BACH1: variants seen among roughly 807,000 people sequenced by gnomAD.
BACH1 encodes the protein transcription regulator protein BACH1.
A neutral mutation model predicts 52.9 loss-of-function variants in BACH1; 35 were observed. That is an observed-to-expected ratio of 0.66 (90% CI 0.51 to 0.88). The LOEUF (loss-of-function observed/expected upper bound fraction) is 0.88. BACH1 is among the 40% of genes least tolerant of loss of function. The pLI, the probability that BACH1 is intolerant of heterozygous loss-of-function variation, is 0.00. For missense variants in BACH1, 808 were observed against 872.6 expected, an observed-to-expected ratio of 0.93 and a Z score of 0.93; for synonymous variants, 321 against 319.6, an observed-to-expected ratio of 1.00 and a Z score of -0.05.
intron 1 of BACH1, among the ~76,000 whole-genome samples, chr21:29,318,704 A>T (rs761183414): frequency 6.6e-6 from 1 of 152,190 alleles, no homozygotes; most frequent in Non-Finnish European, 1.5e-5. Context: ...AGATGTATGT[A>T]GTTGACTACT....
intron 1 of BACH1, among the ~76,000 whole-genome samples, chr21:29,319,498 A>G (rs1469532436): frequency 6.6e-6 from 1 of 151,802 alleles, no homozygotes; most frequent in Non-Finnish European, 1.5e-5. Context: ...GGCAAGGTGG[A>G]AAGCTATTAT....
At chr21:29,311,744 C>T (rs1164425754) in intron 1 of BACH1, among the ~76,000 whole-genome samples, 1 of 152,118 alleles carries the variant, frequency 6.6e-6, no homozygotes, top group Non-Finnish European at 1.5e-5. Context: ...TTTCTTGTCT[C>T]ATTAATCTGA....
In BACH1 at chr21:29,345,677, G is replaced by A. The variant is rs2089161704; in HGVS notation, c.*2844G>A. 2 of 152,500 alleles carry A rather than the reference G, an allele frequency of 1.3e-5. No homozygotes were observed. The highest frequency in any genetic ancestry group is 4.1e-4 in the South Asian group (2 of 4,822). The allele number at this position is 152,500 out of a possible 1,614,324, so 9.4% of individuals were successfully genotyped here. ...AATAAGTATGTTAGATGCAGTAGAC[G>A]ATACAGGTTGCATGTGGACACTCAG... On this transcript the variant is annotated 3_prime_UTR_variant, in exon 5 of 5. Coordinates refer to ENST00000286800, the MANE Select transcript of BACH1 (RefSeq NM_001186.4).
intron 2 of BACH1, among the ~76,000 whole-genome samples, chr21:29,322,061 G>C (rs2088854891): frequency 6.6e-6 from 1 of 152,204 alleles, no homozygotes; most frequent in Non-Finnish European, 1.5e-5. Context: ...AACTTGTGCA[G>C]TGAAGCTCCC....
chr21:29,301,344 T>G (rs2088601202), intron 1 of BACH1, among the ~76,000 whole-genome samples: 1 of 152,228 alleles, frequency 6.6e-6, no homozygotes, highest in Admixed American at 6.5e-5. Flanking sequence ...CGCGTGCATG[T>G]CCTCCACCCC....
intron 1 of BACH1, among the ~76,000 whole-genome samples, chr21:29,312,231 T>C (rs1393110870): frequency 6.6e-6 from 1 of 152,186 alleles, no homozygotes; most frequent in African/African-American, 2.4e-5. Context: ...TTTCATTCTT[T>C]GCTTTTTTCC....
At chr21:29,298,995 T>C (rs1482923038) in intron 1 of BACH1, 42 bp downstream of exon 1, 1 of 151,416 alleles carries the variant, frequency 6.6e-6, no homozygotes, top group Non-Finnish European at 1.5e-5. Flanking sequence ...TCCGGGAGGG[T>C]TGGCGCGGTC....
chr21:29,306,210 G>GTGTA (rs1640537817), intron 1 of BACH1, among the ~76,000 whole-genome samples: 1 of 140,828 alleles, frequency 7.1e-6, no homozygotes, highest in Non-Finnish European at 1.5e-5. Flanking sequence ...GTGTGTGTGT[G>GTGTA]TATTTAAAAA....
At chr21:29,330,413 C>G (rs1005093454) in intron 4 of BACH1, among the ~76,000 whole-genome samples, 12 of 152,110 alleles carry the variant, frequency 7.9e-5, no homozygotes, top group African/African-American at 2.9e-4. Context: ...ATCTCCTGAC[C>G]TCGTGATCTG....
Position 29,345,769 on chromosome 21 carries a change from T to TA in BACH1, c.*2937dup, listed in dbSNP as rs2089162824. The TA allele has an allele frequency of 6.6e-6, 1 of 152,654 alleles. No homozygotes were observed. The highest frequency in any genetic ancestry group is 1.5e-5 in the Non-Finnish European group (1 of 68,024). 9.5% of individuals were successfully genotyped at this position (152,654 alleles called of 1,614,324 possible). ...AATTCTCAGGTGAACTTTTTTCAGTTATAAAACATCTATTTTGAATCTGTA... is the reference window on the plus strand; with the variant it reads ...AATTCTCAGGTGAACTTTTTTCAGTTAATAAAACATCTATTTTGAATCTGTA... On this transcript the variant is annotated 3_prime_UTR_variant, in exon 5 of 5. Transcript: ENST00000286800.
At chr21:29,334,081 GT>G (rs149059057) in intron 4 of BACH1, among the ~76,000 whole-genome samples, 6,440 of 151,298 alleles carry the variant, frequency 0.043, 457 homozygotes, top group African/African-American at 0.15. Flanking sequence ...CATGACTTTG[GT>G]TTTTTTTGTT....
At chr21:29,355,362 C>T (rs1442866728) in intron 2 of BACH1, among the ~76,000 whole-genome samples, 1 of 152,182 alleles carries the variant, frequency 6.6e-6, no homozygotes, top group Non-Finnish European at 1.5e-5. Context: ...AAACCTTTAG[C>T]TAGACACAGA....
At chr21:29,322,259 T>C (rs142829936) in intron 2 of BACH1, among the ~76,000 whole-genome samples, 15 of 152,356 alleles carry the variant, frequency 9.8e-5, no homozygotes, top group African/African-American at 3.4e-4. Context: ...TTTAGGGTTC[T>C]GTAAAACGTC....
At chr21:29,361,384 ATACT>A (rs1569029717) in intron 2 of BACH1, 1 of 152,194 alleles carries the variant, frequency 6.6e-6, no homozygotes, top group Admixed American at 6.5e-5. Context: ...AAATCAATCA[ATACT>A]TACAATGATT....
chr21:29,343,809 T>A lies in BACH1; in HGVS notation c.*976T>A, dbSNP rs2089141465. ...TTTTACCAGGAGTGCAGTTCATTTT[T>A]TTCACCCTGTTTTTGAAGTCGTATT... On this transcript the variant is annotated 3_prime_UTR_variant, in exon 5 of 5. Coordinates refer to ENST00000286800, the MANE Select transcript of BACH1 (RefSeq NM_001186.4). The A allele has an allele frequency of 6.6e-6, 1 of 152,230 alleles. No homozygotes were observed. The highest frequency in any genetic ancestry group is 2.1e-4 in the South Asian group (1 of 4,832). 9.4% of individuals were successfully genotyped at this position (152,230 alleles called of 1,614,324 possible). A position where few individuals can be genotyped will look rare whatever the true frequency, so the allele number is the denominator to read the frequency against.
intron 1 of BACH1, among the ~76,000 whole-genome samples, chr21:29,309,147 A>G (rs1175860591): frequency 6.6e-6 from 1 of 152,036 alleles, no homozygotes; most frequent in Non-Finnish European, 1.5e-5. Flanking sequence ...AATCCCAGCT[A>G]CTTGGGAGGC....
At chr21:29,315,801 T>C (rs1163313523) in intron 1 of BACH1, among the ~76,000 whole-genome samples, 2 of 152,230 alleles carry the variant, frequency 1.3e-5, no homozygotes, top group East Asian at 1.9e-4. Flanking sequence ...TAATGATCAT[T>C]ATTATCTTTT....
chr21:29,358,661 C>T (rs538062652), intron 2 of BACH1, among the ~76,000 whole-genome samples: 1 of 151,640 alleles, frequency 6.6e-6, no homozygotes, highest in East Asian at 1.9e-4. Flanking sequence ...GATTGCTTGA[C>T]CTCAGGAGGC....
chr21:29,300,851 G>T (rs1301372448), intron 1 of BACH1: 1 of 152,188 alleles, frequency 6.6e-6, no homozygotes, highest in East Asian at 1.9e-4. Context: ...CATATGGGTG[G>T]AATTAATAGG....
Sources: gnomAD v4.1 joint callset for allele counts (sites outside exome capture counted in the v4.1 genomes callset) on GRCh38, gnomAD v4.1.1 for gene constraint, MANE v1.5 for transcripts, NCBI Gene and HGNC (gene_info 2026-07-23, HGNC 2026-07-21) for gene names.